Variants in ESRRB observed in about 807,000 individuals in gnomAD.
The protein encoded by ESRRB is estrogen related receptor beta, also known as steroid hormone receptor ERR2.
In ESRRB, 16 loss-of-function variants were observed where a neutral mutation model predicts 46.0. The ratio of observed to expected loss-of-function variants is 0.35; its 90% confidence interval spans 0.24 to 0.53. The LOEUF (loss-of-function observed/expected upper bound fraction) is 0.53, where lower values mean the gene tolerates loss of function less well. Among genes scored for constraint, ESRRB ranks in the 20% least tolerant of loss-of-function variants. The probability of loss-of-function intolerance (pLI) is 0.93; values close to 1 mark genes in which losing one functional copy is unlikely to be tolerated. For missense variants in ESRRB, 488 were observed against 607.4 expected, an observed-to-expected ratio of 0.80 and a Z score of 2.07; for synonymous variants, 246 against 259.6, an observed-to-expected ratio of 0.95 and a Z score of 0.50.
chr14:76,327,658 G>A (rs542432574), intron 1 of ESRRB, among the ~76,000 whole-genome samples: 24 of 152,026 alleles, frequency 1.6e-4, no homozygotes, highest in African/African-American at 2.4e-4. Flanking sequence ...GTTGAATGGC[G>A]GCACTGGAAG....
chr14:76,408,076 G>A (rs1397372573), intron 1 of ESRRB, among the ~76,000 whole-genome samples: 2 of 152,094 alleles, frequency 1.3e-5, no homozygotes, highest in East Asian at 1.9e-4. Flanking sequence ...GTACAGTCTC[G>A]GGGCCCTGAG....
At chr14:76,342,736 T>C (rs1884206228) in intron 1 of ESRRB, among the ~76,000 whole-genome samples, 1 of 152,218 alleles carries the variant, frequency 6.6e-6, no homozygotes, top group African/African-American at 2.4e-5. Flanking sequence ...ACTTAGCACA[T>C]CTCCTGGCAT....
At chr14:76,357,814 T>C (rs1297231216) in intron 1 of ESRRB, among the ~76,000 whole-genome samples, 1 of 152,136 alleles carries the variant, frequency 6.6e-6, no homozygotes, top group East Asian at 1.9e-4. Context: ...CACATTAAGC[T>C]GGGATCGTTT....
chr14:76,371,910 G>A (rs1343010333), upstream of ESRRB, among the ~76,000 whole-genome samples: 5 of 152,164 alleles, frequency 3.3e-5, no homozygotes, highest in East Asian at 9.6e-4. Context: ...GCAGGGAGGG[G>A]ATTTGAGGAC....
At chr14:76,368,409 A>C (rs191387534), upstream of ESRRB, among the ~76,000 whole-genome samples, 2 of 152,128 alleles carry the variant, frequency 1.3e-5, no homozygotes, top group Non-Finnish European at 2.9e-5. Context: ...AGCAGTGTTT[A>C]TCATGCCATG....
At chr14:76,476,023 G>A (rs1159005940) in intron 3 of ESRRB, among the ~76,000 whole-genome samples, 2 of 151,890 alleles carry the variant, frequency 1.3e-5, no homozygotes, top group Non-Finnish European at 2.9e-5. Context: ...ACAGTCAATT[G>A]ACATTGATAT....
intron 1 of ESRRB, among the ~76,000 whole-genome samples, chr14:76,413,356 G>C (rs575604954): frequency 6.6e-6 from 1 of 152,258 alleles, no homozygotes; most frequent in East Asian, 1.9e-4. Context: ...CCTGTGTCCC[G>C]GACTTCCCAC....
chr14:76,450,910 C>A (rs976820683), intron 2 of ESRRB, among the ~76,000 whole-genome samples: 1 of 152,192 alleles, frequency 6.6e-6, no homozygotes, highest in African/African-American at 2.4e-5. Context: ...GTCCATTAAA[C>A]CCACAAAATG....
chr14:76,430,528 T>G (rs941620584), intron 1 of ESRRB, among the ~76,000 whole-genome samples: 2 of 152,188 alleles, frequency 1.3e-5, no homozygotes, highest in African/African-American at 4.8e-5. Flanking sequence ...TGCCCACTGC[T>G]GGACTTTCTC....
Position 76,337,645 on chromosome 14 carries a change from G to A in ESRRB, c.2+26729G>A, listed in dbSNP as rs900450186. ...CACCTTGGAAATAATCTTTCTCTTT[G>A]CTCCAGCAAAGGGCTTCTCAAAACT... On this transcript the variant is annotated intron_variant, in intron 1 of 6. Coordinates refer to the ESRRB transcript ENST00000512784. 2.0e-5 allele frequency among the ~76,000 whole-genome samples: 3 copies of A among 152,314 alleles called. No individual in the cohort carries two copies. In the South Asian group the frequency reaches 6.2e-4, roughly 32 times the overall value.
intron 2 of ESRRB, among the ~76,000 whole-genome samples, chr14:76,448,352 G>A (rs890744375): frequency 6.7e-5 from 9 of 134,552 alleles, no homozygotes; most frequent in East Asian, 2.1e-4. Flanking sequence ...TTTTGAGACC[G>A]AGTCTCCCTC....
intron 1 of ESRRB, among the ~76,000 whole-genome samples, chr14:76,350,279 A>G (rs1884298110): frequency 6.6e-6 from 1 of 152,244 alleles, no homozygotes; most frequent in African/African-American, 2.4e-5. Context: ...GGGTGTGGGT[A>G]GGGCGGACCA....
At chr14:76,453,749 C>T (rs1336350127) in intron 2 of ESRRB, among the ~76,000 whole-genome samples, 2 of 151,734 alleles carry the variant, frequency 1.3e-5, no homozygotes, top group East Asian at 3.9e-4. Flanking sequence ...TAGCTGGTAC[C>T]ACAGGGGCAT....
intron 1 of ESRRB, among the ~76,000 whole-genome samples, chr14:76,415,113 G>A (rs1485856374): frequency 1.3e-5 from 2 of 152,208 alleles, no homozygotes; most frequent in African/African-American, 4.8e-5. Context: ...CCCTCTAGGA[G>A]CTAGTGGGGT....
At chr14:76,436,159 C>T (rs1005527003) in intron 1 of ESRRB, among the ~76,000 whole-genome samples, 1 of 152,186 alleles carries the variant, frequency 6.6e-6, no homozygotes, top group Non-Finnish European at 1.5e-5. Flanking sequence ...GAAGAGGAAA[C>T]CAAGGCTTGG....
intron 1 of ESRRB, among the ~76,000 whole-genome samples, chr14:76,431,801 G>A (rs552202046): frequency 1.3e-5 from 2 of 152,134 alleles, no homozygotes; most frequent in Non-Finnish European, 2.9e-5. Flanking sequence ...GTGGGGAACT[G>A]GGTCCCAGCC....
At chr14:76,331,140 C>T (rs1595046154) in intron 1 of ESRRB, among the ~76,000 whole-genome samples, 1 of 152,114 alleles carries the variant, frequency 6.6e-6, no homozygotes, top group African/African-American at 2.4e-5. Context: ...CTGAAGCTGC[C>T]GTCCCAAATC....
Position 76,438,104 on chromosome 14 carries a change from C to T in ESRRB, c.51-1237C>T, listed in dbSNP as rs183089087. On this transcript the variant is annotated intron_variant, in intron 1 of 6. Coordinates refer to ENST00000644823, the MANE Select transcript of ESRRB (RefSeq NM_001379180.1). ...GCAGGCTGGGTAGAAGCTGGCTACT[C>T]GGGGTCTAGGAAGGGAAATGAGAGA... Among the ~76,000 whole-genome samples, 7 of 152,102 alleles carry T rather than the reference C, an allele frequency of 4.6e-5. No individual in the cohort carries two copies. In the East Asian group the frequency reaches 9.7e-4, roughly 21 times the overall value.
chr14:76,423,470 T>C (rs1887061443), intron 1 of ESRRB, among the ~76,000 whole-genome samples: 1 of 152,146 alleles, frequency 6.6e-6, no homozygotes, highest in African/African-American at 2.4e-5. Flanking sequence ...ACCAGGATGA[T>C]CAGAATTCGA....
Sources: gnomAD v4.1 joint callset for allele counts (sites outside exome capture counted in the v4.1 genomes callset) on GRCh38, gnomAD v4.1.1 for gene constraint, MANE v1.5 for transcripts, NCBI Gene and HGNC (gene_info 2026-07-23, HGNC 2026-07-21) for gene names.